COP1: variants seen among roughly 807,000 people sequenced by gnomAD.
The protein encoded by COP1 is COP1 E3 ubiquitin ligase.
Under a neutral mutation model 101.3 loss-of-function variants are expected in COP1, and 24 were observed. That is an observed-to-expected ratio of 0.24 (90% CI 0.17 to 0.33). The LOEUF (loss-of-function observed/expected upper bound fraction) is 0.33, where lower values mean the gene tolerates loss of function less well. COP1 is among the 10% of genes least tolerant of loss of function. The pLI is 1.00. For synonymous variants in COP1, 347 were observed against 341.9 expected, an observed-to-expected ratio of 1.01 and a Z score of -0.17; for missense variants, 663 against 906.2, an observed-to-expected ratio of 0.73 and a Z score of 3.45.
chr1:176,179,286 T>C (rs1191977217), intron 2 of COP1, among the ~76,000 whole-genome samples: 1 of 147,004 alleles, frequency 6.8e-6, no homozygotes, highest in African/African-American at 2.5e-5. Flanking sequence ...TGAGACTCCG[T>C]CTCAAAAAAA....
chr1:175,977,870 C>G (rs1436471195), intron 18 of COP1, among the ~76,000 whole-genome samples: 3 of 152,014 alleles, frequency 2.0e-5, no homozygotes, highest in Admixed American at 2.0e-4. Flanking sequence ...GCATATTACA[C>G]CAATTCAAAT....
At chr1:176,198,037 A>G (rs2102233037) in intron 1 of COP1, among the ~76,000 whole-genome samples, 1 of 152,318 alleles carries the variant, frequency 6.6e-6, no homozygotes, top group Middle Eastern at 3.4e-3. Context: ...TACTATGTTC[A>G]TGATTCAAAA....
intron 6 of COP1, among the ~76,000 whole-genome samples, chr1:176,141,130 G>T (rs913724574): frequency 2.0e-5 from 3 of 152,090 alleles, no homozygotes; most frequent in Non-Finnish European, 4.4e-5. Flanking sequence ...ATATAATTTT[G>T]AATACATTAC....
intron 8 of COP1, chr1:176,133,753 ACT>A (rs1689339670): frequency 5.2e-6 from 2 of 382,844 alleles, no homozygotes; most frequent in Non-Finnish European, 5.1e-6. Context: ...AAAATTTGCT[ACT>A]GTTAAACAGA....
chr1:176,040,660 G>A (rs1206458477), intron 14 of COP1, among the ~76,000 whole-genome samples: 1 of 152,114 alleles, frequency 6.6e-6, no homozygotes, highest in Non-Finnish European at 1.5e-5. Flanking sequence ...TATATAGTAG[G>A]AATAAACAAC....
At chr1:176,075,890 C>G (rs533052933) in intron 11 of COP1, among the ~76,000 whole-genome samples, 53 of 150,802 alleles carry the variant, frequency 3.5e-4, no homozygotes, top group African/African-American at 1.3e-3. Context: ...GTAATCCCAG[C>G]TACTGAAGAG....
At chr1:176,122,139 C>CAAAAA in intron 8 of COP1, among the ~76,000 whole-genome samples, 1 of 114,994 alleles carries the variant, frequency 8.7e-6, no homozygotes, top group Admixed American at 9.4e-5. Context: ...GACTGCATCT[C>CAAAAA]AAAAAAAAAA....
intron 5 of COP1, among the ~76,000 whole-genome samples, chr1:176,152,452 T>TG (rs1356296284): frequency 1.3e-5 from 2 of 149,742 alleles, no homozygotes; most frequent in African/African-American, 5.0e-5. Flanking sequence ...TTACTTAGAT[T>TG]TTTTTTTTTT....
At chr1:175,997,626 C>T (rs1390144940) in intron 15 of COP1, among the ~76,000 whole-genome samples, 1 of 152,134 alleles carries the variant, frequency 6.6e-6, no homozygotes, top group East Asian at 1.9e-4. Context: ...GACATTTATG[C>T]AGCCAAAAAA....
chr1:176,184,238 T>C (rs1236835504), intron 2 of COP1, among the ~76,000 whole-genome samples: 1 of 152,216 alleles, frequency 6.6e-6, no homozygotes, highest in Non-Finnish European at 1.5e-5. Context: ...ACAGAACTTT[T>C]TAATCCTGTA....
intron 18 of COP1, among the ~76,000 whole-genome samples, chr1:175,964,607 A>G (rs1651773151): frequency 6.6e-6 from 1 of 152,232 alleles, no homozygotes; most frequent in Admixed American, 6.5e-5. Flanking sequence ...AATTTGTCCT[A>G]TAATCACTGA....
intron 11 of COP1, among the ~76,000 whole-genome samples, chr1:176,056,728 AT>A (rs1337717880): frequency 6.6e-6 from 1 of 152,182 alleles, no homozygotes; most frequent in Non-Finnish European, 1.5e-5. Context: ...TGTATCTGTC[AT>A]CTTATTTTGT....
intron 6 of COP1, among the ~76,000 whole-genome samples, chr1:176,138,683 T>C (rs981389959): frequency 3.9e-5 from 6 of 152,122 alleles, no homozygotes; most frequent in African/African-American, 1.2e-4. Flanking sequence ...CAACAATTAG[T>C]CTTCCACCCT....
Position 176,081,222 on chromosome 1 carries a change from T to C in COP1, c.1207A>G (p.Asn403Asp). 1.2e-6 allele frequency: 2 copies of C among 1,611,130 alleles called. No individual in the cohort carries two copies. The highest frequency in any genetic ancestry group is 8.5e-7 in the Non-Finnish European group (1 of 1,178,244). ...AATGTGGCTAAAGGTCGTACTGAAT[T>C]ATATCGAGTAAACTTGGACAAGCAT... is the stretch of plus-strand genomic sequence containing the variant. ...QECLSKFTRYNSVRPLATLSY... is the reference protein window; with the variant it reads ...QECLSKFTRYDSVRPLATLSY... Residue 403 changes from asparagine (N) to aspartate (D), a missense_variant, in exon 11 of 20, where the codon AAT becomes GAT. Around this residue, in one of 4 missense-constraint regions of COP1, gnomAD observed 212 missense variants for 240.7 expected, o/e 0.88. Transcript: ENST00000367669.
At chr1:176,045,857 A>C (rs940775344) in intron 12 of COP1, among the ~76,000 whole-genome samples, 1 of 151,944 alleles carries the variant, frequency 6.6e-6, no homozygotes, top group Non-Finnish European at 1.5e-5. Flanking sequence ...TTCAAATACT[A>C]TTCATAAGCT....
intron 1 of COP1, among the ~76,000 whole-genome samples, chr1:176,204,446 C>CA (rs1553322081): frequency 6.6e-6 from 1 of 151,384 alleles, no homozygotes; most frequent in African/African-American, 2.4e-5. Flanking sequence ...CACAGCCAAA[C>CA]GGGGGGAAAA....
At chr1:176,166,823 G>A (rs370737079) in intron 3 of COP1, among the ~76,000 whole-genome samples, 3 of 151,982 alleles carry the variant, frequency 2.0e-5, no homozygotes, top group Admixed American at 6.6e-5. Context: ...TGAATTCCCC[G>A]CTACTCAGGA....
chr1:176,141,445 G>A (rs1038548704), intron 6 of COP1, among the ~76,000 whole-genome samples: 26 of 152,302 alleles, frequency 1.7e-4, no homozygotes, highest in Admixed American at 3.3e-4. Context: ...AGGTTGCAGT[G>A]AGGCGAGATA....
At chr1:176,111,315 G>A (rs1685250422) in intron 9 of COP1, among the ~76,000 whole-genome samples, 1 of 152,054 alleles carries the variant, frequency 6.6e-6, no homozygotes, top group Admixed American at 6.6e-5. Flanking sequence ...GTGTGTGTGA[G>A]ATGGAGTCTC....
Sources: allele counts gnomAD v4.1 joint callset (sites outside exome capture counted in the v4.1 genomes callset), GRCh38; gene constraint gnomAD v4.1.1; regional missense constraint gnomAD v4.1.1; transcripts MANE v1.5; gene names NCBI Gene and HGNC (gene_info 2026-07-23, HGNC 2026-07-21).